The following SLC35F3 variants were observed in gnomAD, a reference collection of about 807,000 sequenced individuals.
SLC35F3 encodes the protein solute carrier family 35 member F3, also known as putative thiamine transporter SLC35F3.
A neutral mutation model predicts 49.9 loss-of-function variants in SLC35F3; 25 were observed. The ratio of observed to expected loss-of-function variants is 0.50; its 90% confidence interval spans 0.37 to 0.70. The LOEUF (loss-of-function observed/expected upper bound fraction) is 0.70, where lower values mean the gene tolerates loss of function less well. Ranked by LOEUF, SLC35F3 falls within the 30% of genes least tolerant of loss-of-function variation. The probability of loss-of-function intolerance (pLI) is 0.00; values close to 1 mark genes in which losing one functional copy is unlikely to be tolerated. For missense variants in SLC35F3, 525 were observed against 639.8 expected (o/e 0.82, Z 1.94); for synonymous variants, 275 against 265.4 (o/e 1.04, Z -0.35).
At chr1:234,114,049 G>A (rs1182465322) in intron 2 of SLC35F3, among the ~76,000 whole-genome samples, 3 of 152,158 alleles carry the variant, frequency 2.0e-5, no homozygotes, top group Non-Finnish European at 2.9e-5. Flanking sequence ...TGCCAGTTCC[G>A]CAGGGTAAGT....
intron 2 of SLC35F3, among the ~76,000 whole-genome samples, chr1:234,125,047 C>T (rs1317704684): frequency 6.6e-6 from 1 of 152,140 alleles, no homozygotes; most frequent in Non-Finnish European, 1.5e-5. Flanking sequence ...TGTTTTATAG[C>T]TTATTCTACT....
intron 2 of SLC35F3, among the ~76,000 whole-genome samples, chr1:234,101,255 A>C (rs1462848095): frequency 1.3e-5 from 2 of 152,010 alleles, no homozygotes; most frequent in Admixed American, 1.3e-4. Context: ...TCCTTTACAT[A>C]CATAAGCTCC....
intron 3 of SLC35F3, among the ~76,000 whole-genome samples, chr1:234,284,304 A>G (rs1165616364): frequency 2.0e-5 from 3 of 152,216 alleles, no homozygotes; most frequent in African/African-American, 4.8e-5. Flanking sequence ...TCTCACAGCT[A>G]GGAGGTGATA....
chr1:234,224,103 T>C (rs181129828), intron 2 of SLC35F3, among the ~76,000 whole-genome samples: 63 of 152,316 alleles, frequency 4.1e-4, no homozygotes, highest in African/African-American at 1.4e-3. Context: ...CTCACTCCTA[T>C]GCCCAGGCTG....
At chr1:234,170,588 G>A (rs1666387223) in intron 2 of SLC35F3, among the ~76,000 whole-genome samples, 1 of 152,004 alleles carries the variant, frequency 6.6e-6, no homozygotes, top group East Asian at 1.9e-4. Context: ...ATCTCCCTGA[G>A]GTATCCTACC....
chr1:234,099,130 G>T (rs1665176308), intron 2 of SLC35F3, among the ~76,000 whole-genome samples: 1 of 152,076 alleles, frequency 6.6e-6, no homozygotes, highest in South Asian at 2.1e-4. Context: ...AGATAGATTT[G>T]CTAGAAAAGG....
intron 2 of SLC35F3, among the ~76,000 whole-genome samples, chr1:233,968,409 G>A (rs574301335): frequency 1.3e-5 from 2 of 151,976 alleles, no homozygotes; most frequent in Non-Finnish European, 2.9e-5. Flanking sequence ...TGTTACATGG[G>A]TAAATTGTGT....
intron 2 of SLC35F3, among the ~76,000 whole-genome samples, chr1:233,966,200 A>G (rs1662903025): frequency 6.6e-6 from 1 of 152,258 alleles, no homozygotes. Flanking sequence ...AGATAGCAAA[A>G]GTGAAGAAAA....
chr1:234,130,140 C>T (rs1442139805), intron 2 of SLC35F3, among the ~76,000 whole-genome samples: 1 of 152,174 alleles, frequency 6.6e-6, no homozygotes, highest in African/African-American at 2.4e-5. Context: ...ACCCAGAACA[C>T]ATAATTAATT....
At chr1:233,960,270 C>T (rs12739472) in intron 2 of SLC35F3, among the ~76,000 whole-genome samples, 1 of 152,072 alleles carries the variant, frequency 6.6e-6, no homozygotes, top group African/African-American at 2.4e-5. Context: ...GGAAGCAAGT[C>T]CCTCGTTTCC....
intron 2 of SLC35F3, among the ~76,000 whole-genome samples, chr1:233,915,326 C>G (rs559250369): frequency 6.6e-6 from 1 of 152,190 alleles, no homozygotes; most frequent in Non-Finnish European, 1.5e-5. Flanking sequence ...ATGTCAATTT[C>G]GCTACCTTAC....
intron 2 of SLC35F3, among the ~76,000 whole-genome samples, chr1:234,131,881 G>T (rs1452586509): frequency 6.6e-6 from 1 of 152,110 alleles, no homozygotes; most frequent in Non-Finnish European, 1.5e-5. Flanking sequence ...AACTGTTGAT[G>T]CTCAGCAAAT....
intron 2 of SLC35F3, among the ~76,000 whole-genome samples, chr1:234,001,711 A>T (rs2102832834): frequency 7.4e-6 from 1 of 134,318 alleles, no homozygotes; most frequent in East Asian, 1.9e-4. Context: ...TCTTTTTCTT[A>T]TTCAGTGGGA....
chr1:234,319,000 T>TCAGGAAACATGTTCCCTGAAGG (rs1657554876), intron 6 of SLC35F3, 57 bp downstream of exon 6: 1 of 1,443,734 alleles, frequency 6.9e-7, no homozygotes, highest in African/African-American at 1.4e-5. Context: ...CAGAGGACCC[T>TCAGGAAACATGTTCCCTGAAGG]CAGGAAACAT....
At chr1:234,122,868 T>C (rs990337991) in intron 2 of SLC35F3, among the ~76,000 whole-genome samples, 10 of 152,224 alleles carry the variant, frequency 6.6e-5, no homozygotes, top group Non-Finnish European at 1.3e-4. Context: ...CAGTCTATCA[T>C]TGATGGGCAT....
At chr1:234,062,177 T>C (rs1395288427) in intron 2 of SLC35F3, among the ~76,000 whole-genome samples, 1 of 152,316 alleles carries the variant, frequency 6.6e-6, no homozygotes, top group Middle Eastern at 3.4e-3. Flanking sequence ...ACTGTCTGGA[T>C]CATTTAGTGA....
intron 2 of SLC35F3, among the ~76,000 whole-genome samples, chr1:234,071,914 T>A (rs1302468249): frequency 6.6e-6 from 1 of 152,294 alleles, no homozygotes; most frequent in East Asian, 1.9e-4. Flanking sequence ...TTTCATTATA[T>A]CCCACAGGGC....
intron 2 of SLC35F3, among the ~76,000 whole-genome samples, chr1:234,083,281 A>G (rs931903511): frequency 2.1e-4 from 32 of 152,254 alleles, no homozygotes; most frequent in African/African-American, 7.7e-4. Context: ...AGTCTTTGAT[A>G]GAGTGGATCA....
intron 2 of SLC35F3, among the ~76,000 whole-genome samples, chr1:234,112,985 G>T (rs867307821): frequency 6.6e-6 from 1 of 151,546 alleles, no homozygotes; most frequent in Admixed American, 6.6e-5. Context: ...TGAAAAGATC[G>T]CTCAAGCCCA....
Sources: gnomAD v4.1 joint callset for allele counts (sites outside exome capture counted in the v4.1 genomes callset) on GRCh38, gnomAD v4.1.1 for gene constraint, MANE v1.5 for transcripts, NCBI Gene and HGNC (gene_info 2026-07-23, HGNC 2026-07-21) for gene names.